Variants in SPATA17 observed in about 807,000 individuals in gnomAD.
SPATA17 encodes the protein spermatogenesis associated 17, also known as spermatogenesis-associated protein 17.
SPATA17 carries 53 observed loss-of-function variants against 62.2 expected under a neutral mutation model. The observed-to-expected ratio is 0.85, with a 90% CI of 0.68 to 1.07. The LOEUF is 1.07. SPATA17 is among the 50% of genes least tolerant of loss of function. The pLI, the probability that SPATA17 is intolerant of heterozygous loss-of-function variation, is 0.00. For missense variants in SPATA17, 466 were observed against 425.5 expected (o/e 1.10, Z -0.84); for synonymous variants, 146 against 146.8 (o/e 0.99, Z 0.04).
intron 9 of SPATA17, 81 bp from the exon 10 acceptor site, chr1:217,862,693 T>G: frequency 9.7e-7 from 1 of 1,034,528 alleles, no homozygotes; most frequent in Non-Finnish European, 1.4e-6. Context: ...GTCTAGCAAT[T>G]TAATCTAAAT....
rs771792968 is a variant in SPATA17, at chr1:217,651,080, TA to T, written c.159-16del. The T allele has an allele frequency of 1.6e-5, 25 of 1,562,854 alleles. No individual in the cohort carries two copies. Among genetic ancestry groups the T allele is most frequent in the South Asian group, 3.4e-5 (3 of 87,114 alleles). ...TTCAATGAAAGGATACTAATAAGCA[TA>T]TTTTTTTTATCCTAGGCATTTAAAC... On this transcript the variant is annotated splice_polypyrimidine_tract_variant and intron_variant, in intron 2 of 10. Coordinates refer to ENST00000366933, the MANE Select transcript of SPATA17 (RefSeq NM_138796.4).
intron 9 of SPATA17, among the ~76,000 whole-genome samples, chr1:217,826,941 C>G (rs1453496897): frequency 1.3e-5 from 2 of 152,088 alleles, no homozygotes; most frequent in Admixed American, 6.6e-5. Context: ...AAACTATACT[C>G]AACATGGTAA....
intron 5 of SPATA17, among the ~76,000 whole-genome samples, chr1:217,725,374 T>C (rs1192078514): frequency 1.3e-5 from 2 of 152,208 alleles, no homozygotes; most frequent in Admixed American, 6.5e-5. Flanking sequence ...CCAAAAAATA[T>C]TGTGGCTTAT....
At chr1:217,855,258 G>A (rs1486001678) in intron 9 of SPATA17, among the ~76,000 whole-genome samples, 1 of 152,062 alleles carries the variant, frequency 6.6e-6, no homozygotes, top group Non-Finnish European at 1.5e-5. Flanking sequence ...GTTTCATATA[G>A]CCTTTCTCCT....
chr1:217,803,722 A>C (rs573572467), intron 9 of SPATA17, among the ~76,000 whole-genome samples: 1 of 152,186 alleles, frequency 6.6e-6, no homozygotes, highest in Non-Finnish European at 1.5e-5. Context: ...ACAGAAATAG[A>C]AAAAATAATC....
intron 5 of SPATA17, among the ~76,000 whole-genome samples, chr1:217,732,161 T>A (rs2102941923): frequency 6.6e-6 from 1 of 152,146 alleles, no homozygotes; most frequent in Non-Finnish European, 1.5e-5. Flanking sequence ...GGGATGGCAT[T>A]CCCTGTGGCA....
At chr1:217,764,975 G>A (rs1222210304) in intron 6 of SPATA17, among the ~76,000 whole-genome samples, 1 of 151,944 alleles carries the variant, frequency 6.6e-6, no homozygotes, top group Non-Finnish European at 1.5e-5. Context: ...GATCTTAGAG[G>A]GATAAAGATT....
chr1:217,805,346 G>A (rs1674406464), intron 9 of SPATA17, among the ~76,000 whole-genome samples: 1 of 152,146 alleles, frequency 6.6e-6, no homozygotes, highest in Non-Finnish European at 1.5e-5. Flanking sequence ...CAGAAGTACA[G>A]AGTAGAATGG....
At chr1:217,722,642 A>G (rs1672160916) in intron 5 of SPATA17, among the ~76,000 whole-genome samples, 1 of 152,184 alleles carries the variant, frequency 6.6e-6, no homozygotes, top group African/African-American at 2.4e-5. Flanking sequence ...CAAAGAATAA[A>G]TCTTTTTCCA....
intron 9 of SPATA17, among the ~76,000 whole-genome samples, chr1:217,853,477 G>A (rs991562896): frequency 5.3e-5 from 8 of 151,838 alleles, no homozygotes; most frequent in Non-Finnish European, 7.4e-5. Flanking sequence ...AATGTTACTC[G>A]TATCCCAGGA....
In SPATA17 at chr1:217,863,070, G is replaced by A. The variant is rs146763841; in HGVS notation, c.*2+214G>A. On this transcript the variant is annotated intron_variant, in intron 10 of 10. Coordinates refer to ENST00000366933, the MANE Select transcript of SPATA17 (RefSeq NM_138796.4). ...TTTTCAGATCTCTTCTCCAAAATGA[G>A]CCAAAAATACATTAAGAAATAGAAC... 2.0e-3 allele frequency among the ~76,000 whole-genome samples: 307 copies of A among 150,112 alleles called. 4 individuals carry two copies. The highest frequency in any genetic ancestry group is 0.014 in the Admixed American group (218 of 15,074).
intron 5 of SPATA17, among the ~76,000 whole-genome samples, chr1:217,684,945 T>G (rs1292662798): frequency 6.6e-6 from 1 of 152,108 alleles, no homozygotes; most frequent in African/African-American, 2.4e-5. Context: ...AGAGAGCAGT[T>G]AAGGGGGGAA....
chr1:217,658,375 G>T (rs577618359), intron 3 of SPATA17, among the ~76,000 whole-genome samples: 1 of 152,276 alleles, frequency 6.6e-6, no homozygotes, highest in East Asian at 1.9e-4. Context: ...CTTCCACCAT[G>T]AGTAAAAGCT....
At chr1:217,632,165 A>G (rs1669806701) in intron 1 of SPATA17, among the ~76,000 whole-genome samples, 1 of 152,042 alleles carries the variant, frequency 6.6e-6, no homozygotes, top group African/African-American at 2.4e-5. Flanking sequence ...CCTGGGTGAC[A>G]AATTAAGACC....
chr1:217,820,571 G>C (rs2102996660), intron 9 of SPATA17, among the ~76,000 whole-genome samples: 1 of 151,724 alleles, frequency 6.6e-6, no homozygotes, highest in African/African-American at 2.4e-5. Flanking sequence ...GGGAAAAGAA[G>C]AAAAGGGCTA....
At position 217,868,351 on chromosome 1, in the gene SPATA17, G is replaced by A. The variant is rs566882319; in HGVS notation, c.*1332G>A. Reference sequence around the variant, plus strand: ...TACATATACTCCTCCTCTTATAATCGGTTATGTGCCAATAAATCCATTGTA... The same window carrying A: ...TACATATACTCCTCCTCTTATAATCAGTTATGTGCCAATAAATCCATTGTA... On this transcript the variant is annotated 3_prime_UTR_variant, in exon 11 of 11. Transcript: ENST00000366933. 31 of 152,118 alleles carry A rather than the reference G, an allele frequency of 2.0e-4. No homozygotes were observed. Among genetic ancestry groups the A allele is most frequent in the African/African-American group, 7.2e-4 (30 of 41,518 alleles). 9.4% of individuals were successfully genotyped at this position (152,118 alleles called of 1,614,324 possible).
intron 1 of SPATA17, among the ~76,000 whole-genome samples, chr1:217,643,121 G>T (rs1276291885): frequency 6.6e-6 from 1 of 152,076 alleles, no homozygotes; most frequent in Non-Finnish European, 1.5e-5. Context: ...TAAAATTCAT[G>T]AGTTCACATT....
intron 9 of SPATA17, among the ~76,000 whole-genome samples, chr1:217,825,002 T>C (rs1020234943): frequency 5.3e-5 from 8 of 150,806 alleles, no homozygotes; most frequent in African/African-American, 1.9e-4. Context: ...AATACATTTA[T>C]ATACATATGA....
chr1:217,642,601 G>A (rs1670091027), intron 1 of SPATA17, among the ~76,000 whole-genome samples: 1 of 152,184 alleles, frequency 6.6e-6, no homozygotes. Flanking sequence ...CTGATCTGGT[G>A]GGAGGTGATT....
Sources: gnomAD v4.1 joint callset for allele counts (sites outside exome capture counted in the v4.1 genomes callset) on GRCh38, gnomAD v4.1.1 for gene constraint, MANE v1.5 for transcripts, NCBI Gene and HGNC (gene_info 2026-07-23, HGNC 2026-07-21) for gene names.